The following MYRIP variants were observed in gnomAD, a reference collection of about 807,000 sequenced individuals.
MYRIP encodes rab effector MyRIP.
MYRIP carries 49 observed loss-of-function variants against 98.0 expected under a neutral mutation model. The observed-to-expected ratio is 0.50, with a 90% CI of 0.40 to 0.63. The LOEUF (loss-of-function observed/expected upper bound fraction) is 0.63. MYRIP is among the 30% of genes least tolerant of loss of function. The probability of loss-of-function intolerance (pLI) is 0.00; values close to 1 mark genes in which losing one functional copy is unlikely to be tolerated. For synonymous variants in MYRIP, 404 were observed against 409.5 expected, an observed-to-expected ratio of 0.99 and a Z score of 0.16; for missense variants, 1,004 against 1,058.2, an observed-to-expected ratio of 0.95 and a Z score of 0.71.
chr3:39,879,607 A>G (rs1366627738), intron 1 of MYRIP, among the ~76,000 whole-genome samples: 2 of 152,168 alleles, frequency 1.3e-5, no homozygotes, highest in Non-Finnish European at 2.9e-5. Context: ...GAATATCTTA[A>G]TCCTGGGACA....
chr3:40,111,864 C>T (rs1429727145), intron 3 of MYRIP, among the ~76,000 whole-genome samples: 1 of 152,124 alleles, frequency 6.6e-6, no homozygotes. Context: ...AGAAAGTATA[C>T]TATGATGAAA....
chr3:40,048,938 C>A (rs1246704041), intron 3 of MYRIP, among the ~76,000 whole-genome samples: 2 of 152,072 alleles, frequency 1.3e-5, no homozygotes, highest in Admixed American at 1.3e-4. Context: ...ATCTTCTTGA[C>A]AATTTATTGT....
intron 7 of MYRIP, 49 bp downstream of exon 7, chr3:40,167,288 G>A (rs1245108813): frequency 6.5e-7 from 1 of 1,545,716 alleles, no homozygotes; most frequent in Non-Finnish European, 8.9e-7. Context: ...GGCTGGGCCT[G>A]GTGCAGGGAC....
At chr3:39,858,286 G>A (rs1173125897) in intron 1 of MYRIP, among the ~76,000 whole-genome samples, 1 of 152,014 alleles carries the variant, frequency 6.6e-6, no homozygotes, top group African/African-American at 2.4e-5. Context: ...AAAGCAAAAT[G>A]GCCCCAAGAG....
chr3:39,996,367 G>A (rs1441960559), intron 2 of MYRIP, among the ~76,000 whole-genome samples: 1 of 152,004 alleles, frequency 6.6e-6, no homozygotes, highest in Non-Finnish European at 1.5e-5. Context: ...AACAAAAAAA[G>A]GCAGGGGTTG....
intron 1 of MYRIP, among the ~76,000 whole-genome samples, chr3:39,884,734 T>G (rs970969499): frequency 2.0e-5 from 3 of 152,036 alleles, no homozygotes; most frequent in Admixed American, 1.3e-4. Flanking sequence ...CCATATTCGC[T>G]CATAAATAAT....
At chr3:39,950,708 C>T (rs1363861210) in intron 2 of MYRIP, among the ~76,000 whole-genome samples, 1 of 152,134 alleles carries the variant, frequency 6.6e-6, no homozygotes, top group Non-Finnish European at 1.5e-5. Flanking sequence ...CTGTTGAGGT[C>T]AAGGCTCAGG....
chr3:40,155,709 C>T (rs1428419694), intron 4 of MYRIP, among the ~76,000 whole-genome samples: 8 of 151,802 alleles, frequency 5.3e-5, no homozygotes, highest in South Asian at 2.1e-4. Context: ...TGGTATCTCA[C>T]TGTGGTTTTG....
intron 2 of MYRIP, among the ~76,000 whole-genome samples, chr3:39,916,527 T>C (rs1180060512): frequency 6.6e-6 from 1 of 152,062 alleles, no homozygotes; most frequent in East Asian, 1.9e-4. Context: ...GACATGCCAC[T>C]AAATAGACAC....
At chr3:40,070,561 C>A (rs1948202770) in intron 3 of MYRIP, among the ~76,000 whole-genome samples, 1 of 152,200 alleles carries the variant, frequency 6.6e-6, no homozygotes, top group Admixed American at 6.5e-5. Context: ...GGTCTGCAAG[C>A]TGTTAGGAAC....
chr3:40,185,815 C>T (rs888960348), intron 9 of MYRIP, among the ~76,000 whole-genome samples: 3 of 152,068 alleles, frequency 2.0e-5, no homozygotes, highest in Non-Finnish European at 4.4e-5. Flanking sequence ...CCTTTGGATT[C>T]CTCCCAGGGC....
chr3:39,957,461 T>G (rs1169906123), intron 2 of MYRIP, among the ~76,000 whole-genome samples: 1 of 152,090 alleles, frequency 6.6e-6, no homozygotes, highest in Non-Finnish European at 1.5e-5. Context: ...AGAAAAGGCC[T>G]TCGAAAAAAT....
rs909085693 is a variant in MYRIP, at chr3:40,100,106, C to G, written c.333-50942C>G. The G allele has an allele frequency of 4.1e-6, 4 of 985,300 alleles. No homozygotes were observed. In the African/African-American group the frequency reaches 7.0e-5, roughly 17 times the overall value. The allele number at this position is 985,300 out of a possible 1,614,324, so 61.0% of individuals were successfully genotyped here. A position where few individuals can be genotyped will look rare whatever the true frequency, so the allele number is the denominator to read the frequency against. On this transcript the variant is annotated intron_variant, in intron 3 of 16. Coordinates refer to ENST00000302541, the MANE Select transcript of MYRIP (RefSeq NM_015460.4). ...TCTTAAGAAGACTACCTGGCTTATC[C>G]TCTGTCTGGGCTTTTCTGGCCATGA...
chr3:40,073,662 T>G (rs976510645), intron 3 of MYRIP, among the ~76,000 whole-genome samples: 4 of 152,246 alleles, frequency 2.6e-5, no homozygotes, highest in Non-Finnish European at 5.9e-5. Flanking sequence ...CCCTTCTTAT[T>G]AGCATGTAGC....
At chr3:40,229,947 A>T (rs935023158) in intron 11 of MYRIP, among the ~76,000 whole-genome samples, 14 of 152,172 alleles carry the variant, frequency 9.2e-5, no homozygotes, top group Non-Finnish European at 1.8e-4. Context: ...GGCATTTTAA[A>T]AAAAGAGAAT....
At chr3:40,237,783 C>T (rs1952863400) in intron 12 of MYRIP, among the ~76,000 whole-genome samples, 1 of 152,158 alleles carries the variant, frequency 6.6e-6, no homozygotes, top group Admixed American at 6.5e-5. Context: ...CACTAGCAAA[C>T]AAATGTATTT....
At chr3:39,937,101 A>G (rs945830989) in intron 2 of MYRIP, among the ~76,000 whole-genome samples, 3 of 152,108 alleles carry the variant, frequency 2.0e-5, no homozygotes, top group Non-Finnish European at 4.4e-5. Context: ...GCTCCAACCC[A>G]GGTTAAATCA....
chr3:39,826,899 T>A (rs1229563699), intron 1 of MYRIP, among the ~76,000 whole-genome samples: 1 of 152,196 alleles, frequency 6.6e-6, no homozygotes, highest in Non-Finnish European at 1.5e-5. Flanking sequence ...ATGTTCTTTG[T>A]CTCTTTCTAT....
chr3:40,127,486 G>T (rs1316825565), intron 3 of MYRIP, among the ~76,000 whole-genome samples: 1 of 152,210 alleles, frequency 6.6e-6, no homozygotes, highest in Non-Finnish European at 1.5e-5. Context: ...AGTCAAGTGG[G>T]TCACAATTCT....
Sources: allele counts gnomAD v4.1 joint callset (sites outside exome capture counted in the v4.1 genomes callset), GRCh38; gene constraint gnomAD v4.1.1; transcripts MANE v1.5; gene names NCBI Gene and HGNC (gene_info 2026-07-23, HGNC 2026-07-21).